SYT2: variants seen among roughly 807,000 people sequenced by gnomAD.
SYT2 encodes the protein synaptotagmin-2.
SYT2 carries 15 observed loss-of-function variants against 39.9 expected under a neutral mutation model. The observed-to-expected ratio is 0.38, with a 90% CI of 0.25 to 0.58. The LOEUF is 0.58. Ranked by LOEUF, SYT2 falls within the 20% of genes least tolerant of loss-of-function variation. The probability of loss-of-function intolerance (pLI) is 0.70; values close to 1 mark genes in which losing one functional copy is unlikely to be tolerated. For missense variants in SYT2, 389 were observed against 530.3 expected, an observed-to-expected ratio of 0.73 and a Z score of 2.62; for synonymous variants, 181 against 204.5, an observed-to-expected ratio of 0.89 and a Z score of 0.98.
intron 1 of SYT2, among the ~76,000 whole-genome samples, chr1:202,687,492 C>A (rs113164511): frequency 6.6e-6 from 1 of 151,994 alleles, no homozygotes; most frequent in South Asian, 2.1e-4. Context: ...GGTGTGTGAT[C>A]GACCTTCAGC....
intron 1 of SYT2, among the ~76,000 whole-genome samples, chr1:202,657,997 T>C (rs1175573152): frequency 6.6e-6 from 1 of 152,196 alleles, no homozygotes; most frequent in Non-Finnish European, 1.5e-5. Flanking sequence ...TTCAAAGCAC[T>C]TTCTGTGCCA....
chr1:202,622,646 C>T (rs1298286117), intron 1 of SYT2, among the ~76,000 whole-genome samples: 1 of 152,194 alleles, frequency 6.6e-6, no homozygotes, highest in Non-Finnish European at 1.5e-5. Context: ...CTGTTAGCCT[C>T]CCTGCGCTTG....
At position 202,603,095 on chromosome 1, in the gene SYT2, G is replaced by A. The variant is rs759937706; in HGVS notation, c.369C>T (p.Gly123=). Residue 123 remains glycine (G), a synonymous_variant, in exon 4 of 9, where the codon GGC becomes GGT. Transcript: ENST00000367268. The part of the protein sequence containing the change: ...GGQDDDDAET[G]LTEGEGEGEE... Reference sequence around the variant, plus strand: ...CCCCTTCACCTTCCCCCTCAGTCAGGCCTGTCTCTGCGTCGTCGTCATCCT... The same window carrying A: ...CCCCTTCACCTTCCCCCTCAGTCAGACCTGTCTCTGCGTCGTCGTCATCCT... 4 of 1,613,944 alleles carry A rather than the reference G, an allele frequency of 2.5e-6. No homozygotes were observed. In the African/African-American group the frequency reaches 5.3e-5, roughly 22 times the overall value.
intron 1 of SYT2, among the ~76,000 whole-genome samples, chr1:202,651,025 G>A (rs1442645384): frequency 6.6e-6 from 1 of 152,092 alleles, no homozygotes; most frequent in Non-Finnish European, 1.5e-5. Flanking sequence ...GCCTGGATGC[G>A]AAGGGCCTTG....
At position 202,617,673 on chromosome 1, in the gene SYT2, C is replaced by T. The variant is rs146611051; in HGVS notation, c.-17-11884G>A. Among the ~76,000 whole-genome samples, 160 of 152,314 alleles carry T rather than the reference C, an allele frequency of 1.1e-3. 3 individuals are homozygous for T. In the South Asian group the frequency reaches 0.018, roughly 17 times the overall value. On this transcript the variant is annotated intron_variant, in intron 1 of 8. Coordinates refer to ENST00000367268, the MANE Select transcript of SYT2 (RefSeq NM_177402.5). ...TTCCTCCCCACACCCATGGCTCCCT[C>T]CTCCCCTACCCCCGCATCAAGGCCT... is the stretch of plus-strand genomic sequence containing the variant.
intron 1 of SYT2, among the ~76,000 whole-genome samples, chr1:202,653,484 A>G (rs1380846748): frequency 1.0e-5 from 1 of 96,124 alleles, no homozygotes; most frequent in Non-Finnish European, 2.1e-5. Context: ...ACCCCCACCC[A>G]AAGCATCTAG....
At chr1:202,693,053 T>C (rs1488835150) in intron 1 of SYT2, among the ~76,000 whole-genome samples, 1 of 152,210 alleles carries the variant, frequency 6.6e-6, no homozygotes, top group Non-Finnish European at 1.5e-5. Context: ...GAATAAGTTC[T>C]TCAGTGGTGA....
chr1:202,611,183 T>C (rs1428997766), intron 1 of SYT2, among the ~76,000 whole-genome samples: 2 of 152,230 alleles, frequency 1.3e-5, no homozygotes, highest in African/African-American at 2.4e-5. Context: ...ATATCTTCCA[T>C]AGAGAAATAT....
intron 1 of SYT2, among the ~76,000 whole-genome samples, chr1:202,634,956 G>A (rs1397962925): frequency 2.0e-5 from 3 of 152,188 alleles, no homozygotes; most frequent in Non-Finnish European, 2.9e-5. Context: ...AAATTAGATC[G>A]TGGTATGGTT....
intron 1 of SYT2, among the ~76,000 whole-genome samples, chr1:202,637,505 G>T (rs1691771228): frequency 6.6e-6 from 1 of 152,242 alleles, no homozygotes; most frequent in African/African-American, 2.4e-5. Flanking sequence ...TGGGGGTGGG[G>T]ATGGGGGACA....
intron 1 of SYT2, among the ~76,000 whole-genome samples, chr1:202,679,864 G>A (rs1295622396): frequency 6.6e-6 from 1 of 152,102 alleles, no homozygotes. Flanking sequence ...CAGATTCCAG[G>A]CTTCCTTCAG....
At chr1:202,661,133 A>G (rs1207360813) in intron 1 of SYT2, among the ~76,000 whole-genome samples, 2 of 152,152 alleles carry the variant, frequency 1.3e-5, no homozygotes, top group South Asian at 2.1e-4. Flanking sequence ...GATTCAATCA[A>G]TGCTATGGAG....
chr1:202,602,509 C>A lies in SYT2; in HGVS notation c.502G>T (p.Ala168Ser), dbSNP rs200601857. ...TCTGAGGTGCCTCCCATGTCCAGGGCAGGCAGTTCAGCAGCCTGCAGAACG... is the reference window on the plus strand; with the variant it reads ...TCTGAGGTGCCTCCCATGTCCAGGGAAGGCAGTTCAGCAGCCTGCAGAACG... ...VGVLQAAELP[A>S]LDMGGTSDPY... Residue 168 changes from alanine to serine, a missense_variant, in exon 5 of 9, where the codon GCC (alanine) becomes TCC (serine). This residue lies in a region of SYT2 where 280 missense variants were observed against 335.6 expected (regional missense o/e 0.83). Coordinates refer to ENST00000367268, the MANE Select transcript of SYT2 (RefSeq NM_177402.5). The A allele has an allele frequency of 5.0e-6, 8 of 1,613,824 alleles. No individual in the cohort carries two copies. The highest frequency in any genetic ancestry group is 6.8e-6 in the Non-Finnish European group (8 of 1,179,942).
At position 202,603,410 on chromosome 1, in the gene SYT2, A is replaced by G. The variant is rs369039749; in HGVS notation, c.346-292T>C. On this transcript the variant is annotated intron_variant, in intron 3 of 8. Transcript: ENST00000367268. ...TGCTATGGGACCAGGCCCTGTGCCA[A>G]CTGCTCCATAGCTTCTAGGGGCTGG... 6.6e-5 allele frequency among the ~76,000 whole-genome samples: 10 copies of G among 152,260 alleles called. No homozygotes were observed. The South Asian group carries it at 1.0e-3, about 16-fold the overall frequency.
At position 202,592,307 on chromosome 1, in the gene SYT2, C is replaced by T. The variant is rs948348191; in HGVS notation, c.*4450G>A. The T allele has an allele frequency of 6.5e-6, 1 of 152,718 alleles. No homozygotes were observed. The highest frequency in any genetic ancestry group is 2.4e-5 in the African/African-American group (1 of 41,470). The allele number at this position is 152,718 out of a possible 1,614,324, so 9.5% of individuals were successfully genotyped here. On this transcript the variant is annotated 3_prime_UTR_variant, in exon 9 of 9. Transcript: ENST00000367268. ...CAGGCCTTCAGGGCGACAGGGTCCTCCAGCATCTCCCAAGGCAGGGCTGGA... is the reference window on the plus strand; with the variant it reads ...CAGGCCTTCAGGGCGACAGGGTCCTTCAGCATCTCCCAAGGCAGGGCTGGA...
At chr1:202,653,258 T>G (rs1692223959) in intron 1 of SYT2, among the ~76,000 whole-genome samples, 1 of 152,114 alleles carries the variant, frequency 6.6e-6, no homozygotes, top group African/African-American at 2.4e-5. Flanking sequence ...TGCATCCTCA[T>G]ATCCCTGCAT....
Position 202,599,110 on chromosome 1 carries a change from A to C in SYT2, c.1053+108T>G. 1 of 1,467,004 alleles carries C rather than the reference A, an allele frequency of 6.8e-7. No individual in the cohort carries two copies. Among genetic ancestry groups the C allele is most frequent in the Admixed American group, 2.3e-5 (1 of 43,288 alleles). The allele number at this position is 1,467,004 out of a possible 1,614,324, so 90.9% of individuals were successfully genotyped here. Reference sequence around the variant, plus strand: ...TTAGACCTCGAGCCTTCCCCTACCAAGAAAGGCTGTTCCATGGTCTCTAGG... The same window carrying C: ...TTAGACCTCGAGCCTTCCCCTACCACGAAAGGCTGTTCCATGGTCTCTAGG... On this transcript the variant is annotated intron_variant, in intron 8 of 8. Coordinates refer to ENST00000367268, the MANE Select transcript of SYT2 (RefSeq NM_177402.5). This position sits in a 1 kb window ranked among gnomAD's most constrained non-coding sequence, Gnocchi z 4.4.
intron 1 of SYT2, among the ~76,000 whole-genome samples, chr1:202,663,295 C>T (rs1183996501): frequency 2.0e-5 from 3 of 152,208 alleles, no homozygotes; most frequent in African/African-American, 4.8e-5. Context: ...CAGGTTTTAT[C>T]GGCAGCCATT....
rs1196698149 is a variant in SYT2, at chr1:202,599,059, G to A, written c.1053+159C>T. ...GAAAAGGGGGATCCCTGAAGCACTT[G>A]GGAAGGAGGCCCCACCCAGGCACCA... On this transcript the variant is annotated intron_variant, in intron 8 of 8. Transcript: ENST00000367268. The surrounding 1 kb of genome is among the most constrained non-coding windows in gnomAD (Gnocchi z 4.4). Among the ~76,000 whole-genome samples, 1 of 152,138 alleles carries A rather than the reference G, an allele frequency of 6.6e-6. No homozygotes were observed. The highest frequency in any genetic ancestry group is 6.5e-5 in the Admixed American group (1 of 15,280).
Sources: gnomAD v4.1 joint callset for allele counts (sites outside exome capture counted in the v4.1 genomes callset) on GRCh38, gnomAD v4.1.1 for gene constraint, gnomAD v4.1.1 regional missense constraint, Gnocchi (gnomAD v3.1) non-coding constraint, MANE v1.5 for transcripts, NCBI Gene and HGNC (gene_info 2026-07-23, HGNC 2026-07-21) for gene names.